FAM184A: variants seen among roughly 807,000 people sequenced by gnomAD.
FAM184A encodes protein FAM184A.
A neutral mutation model predicts 143.8 loss-of-function variants in FAM184A; 99 were observed. The ratio of observed to expected loss-of-function variants is 0.69; its 90% confidence interval spans 0.58 to 0.81. The LOEUF is 0.81. FAM184A is among the 40% of genes least tolerant of loss of function. FAM184A has a pLI of 0.00. For synonymous variants in FAM184A, 427 were observed against 446.4 expected (o/e 0.96, Z 0.55); for missense variants, 1,217 against 1,310.5 (o/e 0.93, Z 1.10).
intron 1 of FAM184A, among the ~76,000 whole-genome samples, chr6:119,027,892 T>C (rs916461835): frequency 6.6e-6 from 1 of 152,188 alleles, no homozygotes; most frequent in Admixed American, 6.5e-5. Flanking sequence ...AGTCAGCATT[T>C]TTCTACTGAA....
intron 1 of FAM184A, among the ~76,000 whole-genome samples, chr6:119,032,543 AG>A (rs1785922171): frequency 7.5e-6 from 1 of 133,344 alleles, no homozygotes; most frequent in African/African-American, 2.9e-5. Flanking sequence ...AGGGAGAGGG[AG>A]AGGGAAGAGA....
At chr6:118,961,331 A>G (rs974175989) in intron 17 of FAM184A, among the ~76,000 whole-genome samples, 1 of 150,368 alleles carries the variant, frequency 6.7e-6, no homozygotes, top group Non-Finnish European at 1.5e-5. Context: ...AAGCATATAT[A>G]TATATATATT....
At chr6:118,982,315 C>T (rs1396651269) in intron 9 of FAM184A, among the ~76,000 whole-genome samples, 1 of 152,126 alleles carries the variant, frequency 6.6e-6, no homozygotes, top group African/African-American at 2.4e-5. Context: ...AAGCACCTAC[C>T]CCCTCTCTTT....
chr6:119,033,990 C>CAAAAAAA (rs59719185), intron 1 of FAM184A, among the ~76,000 whole-genome samples: 1 of 17,394 alleles, frequency 5.7e-5, no homozygotes, highest in African/African-American at 2.6e-4. Flanking sequence ...GACTCTGTCT[C>CAAAAAAA]AAAAAAAAAA....
chr6:118,980,317 G>A lies in FAM184A; in HGVS notation c.2122C>T (p.Leu708Phe). 6.2e-7 allele frequency: 1 copy of A among 1,613,940 alleles called. No homozygotes were observed. Among genetic ancestry groups the A allele is most frequent in the Non-Finnish European group, 8.5e-7 (1 of 1,179,874 alleles). The change falls in exon 10 of 18, where the codon CTT (leucine) becomes TTT (phenylalanine). Residue 708 changes from leucine (L) to phenylalanine (F), a missense_variant. By Grantham distance (22) the Leu-to-Phe change is conservative. Transcript: ENST00000338891. Reference protein sequence around the residue: ...SLLKQNLEIQLSQSQTSLQQL... With the variant: ...SLLKQNLEIQFSQSQTSLQQL... Reference sequence around the variant, plus strand: ...TGCAAAGAAGTCTGAGACTGGGAAAGCTGTATCTCCAGATTCTGTTTCAGC... The same window carrying A: ...TGCAAAGAAGTCTGAGACTGGGAAAACTGTATCTCCAGATTCTGTTTCAGC...
intron 1 of FAM184A, among the ~76,000 whole-genome samples, chr6:119,113,926 A>G (rs648608): frequency 0.064 from 9,670 of 152,220 alleles, 1,001 homozygotes; most frequent in African/African-American, 0.22. Context: ...TGAGTGACAG[A>G]GAAACTATGT....
At chr6:118,973,887 C>G (rs890431256) in intron 14 of FAM184A, among the ~76,000 whole-genome samples, 1 of 151,992 alleles carries the variant, frequency 6.6e-6, no homozygotes, top group African/African-American at 2.4e-5. Flanking sequence ...AATCATAAGA[C>G]AATTAGATGC....
chr6:119,046,691 T>C (rs1015735139), intron 1 of FAM184A, among the ~76,000 whole-genome samples: 1 of 152,190 alleles, frequency 6.6e-6, no homozygotes, highest in South Asian at 2.1e-4. Flanking sequence ...ATTTCTTTAG[T>C]ATTTGGAAAA....
At chr6:119,081,587 G>C (rs1320809922), upstream of FAM184A, among the ~76,000 whole-genome samples, 1 of 152,184 alleles carries the variant, frequency 6.6e-6, no homozygotes, top group Non-Finnish European at 1.5e-5. Context: ...TCTATATCCT[G>C]GGGTTCTTGC....
chr6:119,126,446 G>A (rs1789368300), intron 1 of FAM184A, among the ~76,000 whole-genome samples: 1 of 152,218 alleles, frequency 6.6e-6, no homozygotes, highest in African/African-American at 2.4e-5. Flanking sequence ...TAGCTGCTTT[G>A]GCTGGCTTCA....
chr6:119,086,541 G>A lies in FAM184A; in HGVS notation c.-201-61728C>T, dbSNP rs115010087. On this transcript the variant is annotated intron_variant, in intron 1 of 16. Transcript: ENST00000352896. ...AAGCTCTAAGGACGGTAAGGGCAAAGCCATGGAGATTAGATGAGAGCATGA... is the reference window on the plus strand; with the variant it reads ...AAGCTCTAAGGACGGTAAGGGCAAAACCATGGAGATTAGATGAGAGCATGA... Among the ~76,000 whole-genome samples, 365 of 152,314 alleles carry A rather than the reference G, an allele frequency of 2.4e-3. 2 individuals carry two copies. Among genetic ancestry groups the A allele is most frequent in the African/African-American group, 8.6e-3 (356 of 41,570 alleles).
At chr6:119,131,413 G>A (rs897226939) in intron 1 of FAM184A, among the ~76,000 whole-genome samples, 1 of 152,160 alleles carries the variant, frequency 6.6e-6, no homozygotes, top group African/African-American at 2.4e-5. Context: ...GCAGACTGGT[G>A]GCAATCTTAG....
intron 9 of FAM184A, among the ~76,000 whole-genome samples, chr6:118,997,126 C>T (rs1395064305): frequency 2.6e-5 from 4 of 151,370 alleles, no homozygotes; most frequent in Non-Finnish European, 5.9e-5. Context: ...TATGGCTGGG[C>T]GTGGTGGCTC....
At chr6:119,075,820 T>C (rs1174489083) in intron 1 of FAM184A, among the ~76,000 whole-genome samples, 2 of 152,212 alleles carry the variant, frequency 1.3e-5, no homozygotes, top group African/African-American at 2.4e-5. Flanking sequence ...GCTTATGGTA[T>C]AGTATTTACA....
At chr6:119,116,666 A>C (rs555271824) in intron 1 of FAM184A, among the ~76,000 whole-genome samples, 3 of 152,332 alleles carry the variant, frequency 2.0e-5, no homozygotes, top group African/African-American at 7.2e-5. Flanking sequence ...AAGTCCAGAG[A>C]AATGAGTGTC....
At chr6:119,100,709 C>G (rs746766582) in intron 1 of FAM184A, among the ~76,000 whole-genome samples, 29 of 151,954 alleles carry the variant, frequency 1.9e-4, no homozygotes, top group Non-Finnish European at 3.7e-4. Context: ...GTAATCCCAG[C>G]ACTTTGGGAG....
chr6:119,044,859 G>C (rs1786469396), intron 1 of FAM184A, among the ~76,000 whole-genome samples: 1 of 152,180 alleles, frequency 6.6e-6, no homozygotes, highest in Non-Finnish European at 1.5e-5. Flanking sequence ...GACAGCTACT[G>C]ATATCATTAA....
At chr6:119,036,315 A>C (rs748676197) in intron 1 of FAM184A, among the ~76,000 whole-genome samples, 1 of 152,090 alleles carries the variant, frequency 6.6e-6, no homozygotes, top group African/African-American at 2.4e-5. Flanking sequence ...TGTCCAAATG[A>C]AACATTTACA....
intron 6 of FAM184A, among the ~76,000 whole-genome samples, chr6:119,007,440 C>T (rs1323741882): frequency 6.6e-6 from 1 of 152,030 alleles, no homozygotes; most frequent in Non-Finnish European, 1.5e-5. Context: ...GCACGGCCTT[C>T]CTGTCCCCTC....
Sources: allele counts gnomAD v4.1 joint callset (sites outside exome capture counted in the v4.1 genomes callset), GRCh38; gene constraint gnomAD v4.1.1; transcripts MANE v1.5; gene names NCBI Gene and HGNC (gene_info 2026-07-23, HGNC 2026-07-21).